The following NCAM1 variants were observed in gnomAD, a reference collection of about 807,000 sequenced individuals.
NCAM1 encodes neural cell adhesion molecule 1.
A neutral mutation model predicts 109.8 loss-of-function variants in NCAM1; 14 were observed. That is an observed-to-expected ratio of 0.13 (90% CI 0.08 to 0.20). The LOEUF (loss-of-function observed/expected upper bound fraction) is 0.20. NCAM1 is among the 10% of genes least tolerant of loss of function. The pLI is 1.00. For missense variants in NCAM1, 774 were observed against 1,109.9 expected, an observed-to-expected ratio of 0.70 and a Z score of 4.30; for synonymous variants, 418 against 442.9, an observed-to-expected ratio of 0.94 and a Z score of 0.70.
chr11:113,263,070 GA>G, intron 17 of NCAM1: 3 of 1,402,938 alleles, frequency 2.1e-6, no homozygotes, highest in African/African-American at 2.9e-5. Context: ...TTTGTGATTG[GA>G]AAAAGCTTTA....
intron 14 of NCAM1, among the ~76,000 whole-genome samples, chr11:113,244,261 C>A (rs1945432802): frequency 6.6e-6 from 1 of 152,166 alleles, no homozygotes; most frequent in South Asian, 2.1e-4. Context: ...GAAACACAAT[C>A]TTGGTTCCAG....
intron 1 of NCAM1, among the ~76,000 whole-genome samples, chr11:113,146,201 G>T (rs968573667): frequency 7.9e-5 from 12 of 152,120 alleles, no homozygotes. Context: ...TCAGCGTTGG[G>T]GGAAGAAAGA....
At chr11:113,030,209 AC>A (rs1271381815) in intron 1 of NCAM1, among the ~76,000 whole-genome samples, 2 of 152,170 alleles carry the variant, frequency 1.3e-5, no homozygotes, top group Non-Finnish European at 2.9e-5. Flanking sequence ...GCAGCAGCTA[AC>A]CCAATGCCTG....
chr11:113,148,284 G>T (rs142406307), intron 1 of NCAM1, among the ~76,000 whole-genome samples: 1 of 151,730 alleles, frequency 6.6e-6, no homozygotes, highest in East Asian at 1.9e-4. Flanking sequence ...ATAACAGGCC[G>T]CTGCCCTACT....
At chr11:113,139,890 A>G (rs1015301563) in intron 1 of NCAM1, among the ~76,000 whole-genome samples, 1 of 152,212 alleles carries the variant, frequency 6.6e-6, no homozygotes, top group African/African-American at 2.4e-5. Flanking sequence ...GAGGCTCAAC[A>G]TTGTTTTCTA....
chr11:113,087,495 G>T (rs1338112803), intron 1 of NCAM1, among the ~76,000 whole-genome samples: 1 of 152,172 alleles, frequency 6.6e-6, no homozygotes, highest in African/African-American at 2.4e-5. Flanking sequence ...AGTTGCTACA[G>T]ATCTTCAGCA....
intron 1 of NCAM1, among the ~76,000 whole-genome samples, chr11:113,111,007 A>G (rs1262518522): frequency 6.6e-6 from 1 of 152,224 alleles, no homozygotes; most frequent in Non-Finnish European, 1.5e-5. Context: ...GATGGGCACT[A>G]TTTTAACCCC....
intron 17 of NCAM1, among the ~76,000 whole-genome samples, chr11:113,268,772 T>C (rs1283449885): frequency 6.6e-6 from 1 of 152,166 alleles, no homozygotes; most frequent in Non-Finnish European, 1.5e-5. Context: ...CTCCACTATC[T>C]ATCTGGCATG....
chr11:112,968,395 A>T (rs1419060692), intron 1 of NCAM1, among the ~76,000 whole-genome samples: 4 of 152,210 alleles, frequency 2.6e-5, no homozygotes, highest in African/African-American at 9.6e-5. Flanking sequence ...GGCATATGAT[A>T]TTGGAGAGGA....
chr11:113,042,205 C>T (rs1007669714), intron 1 of NCAM1, among the ~76,000 whole-genome samples: 2 of 152,168 alleles, frequency 1.3e-5, no homozygotes, highest in African/African-American at 4.8e-5. Context: ...ATATCCCCTC[C>T]CCTTGCTCCT....
chr11:113,231,609 G>A (rs782397192), intron 9 of NCAM1, 36 bp from the exon 10 acceptor site: 2 of 1,604,564 alleles, frequency 1.2e-6, no homozygotes, highest in East Asian at 2.2e-5. Context: ...CCTGCCTTGG[G>A]CTCTGACATG....
In NCAM1 at chr11:113,214,615, G is replaced by T; in HGVS notation, c.1059+104G>T. 3 of 1,322,408 alleles carry T rather than the reference G, an allele frequency of 2.3e-6. No homozygotes were observed. The South Asian group carries it at 4.4e-5, about 19-fold the overall frequency. 81.9% of individuals were successfully genotyped at this position (1,322,408 alleles called of 1,614,324 possible). ...TTGGGGAGCTGGGAGATGGGTTATGGTCACCAGAGGCCACAGCCAGATCCC... is the reference window on the plus strand; with the variant it reads ...TTGGGGAGCTGGGAGATGGGTTATGTTCACCAGAGGCCACAGCCAGATCCC... On this transcript the variant is annotated intron_variant, in intron 8 of 19. Transcript: ENST00000316851.
chr11:113,277,471 C>A lies in NCAM1; in HGVS notation c.*2084C>A. 2.5e-6 allele frequency: 1 copy of A among 399,024 alleles called. No individual in the cohort carries two copies. Among genetic ancestry groups the A allele is most frequent in the Non-Finnish European group, 4.4e-6 (1 of 226,072 alleles). 24.7% of individuals were successfully genotyped at this position (399,024 alleles called of 1,614,324 possible). A position where few individuals can be genotyped will look rare whatever the true frequency, so the allele number is the denominator to read the frequency against. On this transcript the variant is annotated 3_prime_UTR_variant, in exon 20 of 20. Transcript: ENST00000316851. The stretch of plus-strand genomic sequence containing the variant: ...AGAATAGAGGAACATGAAGAGAGAT[C>A]TTAGAGCACACAGTAGAATGTGAGA...
chr11:113,132,603 CATGTGTGTGTGTGTGTGT>C (rs782542160), intron 1 of NCAM1, among the ~76,000 whole-genome samples: 1,387 of 108,736 alleles, frequency 0.013, 23 homozygotes, highest in South Asian at 0.055. Context: ...TATTAGGAAG[CATGTGTGTGTGTGTGTGT>C]GTGTGTGTGT....
chr11:113,117,847 C>G (rs1940777705), intron 1 of NCAM1, among the ~76,000 whole-genome samples: 1 of 151,816 alleles, frequency 6.6e-6, no homozygotes, highest in Admixed American at 6.6e-5. Context: ...TTGACATTGT[C>G]TGAAATTTTG....
intron 1 of NCAM1, among the ~76,000 whole-genome samples, chr11:113,023,284 A>G (rs1481764920): frequency 6.6e-6 from 1 of 152,226 alleles, no homozygotes; most frequent in East Asian, 1.9e-4. Context: ...TGCCCATTGA[A>G]ACATTGATTC....
intron 1 of NCAM1, among the ~76,000 whole-genome samples, chr11:113,023,417 C>T (rs1469154895): frequency 6.6e-6 from 1 of 152,178 alleles, no homozygotes; most frequent in Non-Finnish European, 1.5e-5. Context: ...GCTGCCTACC[C>T]ACAAAGCACT....
intron 1 of NCAM1, among the ~76,000 whole-genome samples, chr11:113,043,997 T>G (rs1480093017): frequency 6.6e-6 from 1 of 152,130 alleles, no homozygotes; most frequent in East Asian, 1.9e-4. Context: ...CTATTTTTAG[T>G]GATGTTTTCA....
intron 2 of NCAM1, among the ~76,000 whole-genome samples, chr11:113,203,470 G>A (rs1162429998): frequency 6.6e-6 from 1 of 152,242 alleles, no homozygotes; most frequent in Admixed American, 6.5e-5. Context: ...GGCGCCACGC[G>A]AAGAGGCAGG....
Sources: allele counts gnomAD v4.1 joint callset (sites outside exome capture counted in the v4.1 genomes callset), GRCh38; gene constraint gnomAD v4.1.1; transcripts MANE v1.5; gene names NCBI Gene and HGNC (gene_info 2026-07-23, HGNC 2026-07-21).